Variants in CLRN1 observed in about 807,000 individuals in gnomAD.
The protein encoded by CLRN1 is clarin-1.
A neutral mutation model predicts 18.7 loss-of-function variants in CLRN1; 15 were observed. That is an observed-to-expected ratio of 0.80 (90% CI 0.54 to 1.23). CLRN1 has a LOEUF of 1.23. Among genes scored for constraint, CLRN1 ranks in the 50% most tolerant of loss-of-function variants. The pLI, the probability that CLRN1 is intolerant of heterozygous loss-of-function variation, is 0.00. For synonymous variants in CLRN1, 104 were observed against 102.9 expected (o/e 1.01, Z -0.07); for missense variants, 311 against 277.5 (o/e 1.12, Z -0.86).
chr3:150,950,388 G>T (rs137955947), intron 1 of CLRN1, among the ~76,000 whole-genome samples: 1 of 152,230 alleles, frequency 6.6e-6, no homozygotes, highest in East Asian at 1.9e-4. Context: ...CTACAGAATG[G>T]GAGAAAATAT....
chr3:150,935,582 G>A lies in CLRN1; in HGVS notation c.433+6000C>T, dbSNP rs559905504. Among the ~76,000 whole-genome samples the A allele has an allele frequency of 2.3e-3, 344 of 149,716 alleles. 4 individuals carry two copies. The highest frequency in any genetic ancestry group is 7.8e-3 in the African/African-American group (317 of 40,826). On this transcript the variant is annotated intron_variant, in intron 2 of 2. Coordinates refer to ENST00000327047, the MANE Select transcript of CLRN1 (RefSeq NM_174878.3). ...AGGTTGGTTCCAAGTCTTTGCTATT[G>A]TGAATAGTGCCGCAATAAACATACA...
rs146313119 is a variant in CLRN1, at chr3:150,945,808, G to A, written c.254-4047C>T. ...GGTATGGGGAAATGGGGACCCTTGTGCATTTTTCTTGGGAGTGTAAATTGT... is the reference window on the plus strand; with the variant it reads ...GGTATGGGGAAATGGGGACCCTTGTACATTTTTCTTGGGAGTGTAAATTGT... On this transcript the variant is annotated intron_variant, in intron 1 of 2. Coordinates refer to ENST00000327047, the MANE Select transcript of CLRN1 (RefSeq NM_174878.3). The A allele has an allele frequency of 3.6e-3, 1,569 of 431,830 alleles. 8 individuals carry two copies. The highest frequency in any genetic ancestry group is 5.2e-3 in the Non-Finnish European group (1,382 of 264,812). The allele number at this position is 431,830 out of a possible 1,614,324, so 26.7% of individuals were successfully genotyped here.
intron 1 of CLRN1, among the ~76,000 whole-genome samples, chr3:150,972,196 C>G (rs1715570772): frequency 6.6e-6 from 1 of 152,086 alleles, no homozygotes. Flanking sequence ...AATATTAATA[C>G]TTAAGCATCT....
intron 1 of CLRN1, among the ~76,000 whole-genome samples, chr3:150,954,544 T>C (rs1310355995): frequency 6.6e-6 from 1 of 152,252 alleles, no homozygotes; most frequent in Non-Finnish European, 1.5e-5. Flanking sequence ...AATTCACAAA[T>C]ATTTTCTCTG....
At chr3:150,943,511 A>G (rs1713977530) in intron 1 of CLRN1, among the ~76,000 whole-genome samples, 1 of 152,132 alleles carries the variant, frequency 6.6e-6, no homozygotes, top group African/African-American at 2.4e-5. Flanking sequence ...TGCCCTTCCC[A>G]TTCCCTTTTC....
chr3:150,955,036 C>A (rs909908144), intron 1 of CLRN1, among the ~76,000 whole-genome samples: 5 of 152,134 alleles, frequency 3.3e-5, no homozygotes, highest in Admixed American at 2.0e-4. Flanking sequence ...AAGTTGTGGC[C>A]CATCCATGTG....
In CLRN1 at chr3:150,957,597, C is replaced by T. The variant is rs114730745; in HGVS notation, c.253+14859G>A. Among the ~76,000 whole-genome samples, 812 of 152,312 alleles carry T rather than the reference C, an allele frequency of 5.3e-3. 8 individuals are homozygous for T. Among genetic ancestry groups the T allele is most frequent in the African/African-American group, 0.018 (760 of 41,580 alleles). ...CTGACTCTCCCCTCGATCTCCTTGACAAGTCTCCCCTCTCTACCCATTCAT... is the reference window on the plus strand; with the variant it reads ...CTGACTCTCCCCTCGATCTCCTTGATAAGTCTCCCCTCTCTACCCATTCAT... On this transcript the variant is annotated intron_variant, in intron 1 of 2. Transcript: ENST00000327047.
At chr3:150,947,643 C>T (rs1171944381) in intron 1 of CLRN1, among the ~76,000 whole-genome samples, 2 of 152,184 alleles carry the variant, frequency 1.3e-5, no homozygotes, top group African/African-American at 4.8e-5. Flanking sequence ...AAATCAACCA[C>T]ATAATTGGAC....
chr3:150,970,649 C>A (rs1715486138), intron 1 of CLRN1, among the ~76,000 whole-genome samples: 1 of 152,024 alleles, frequency 6.6e-6, no homozygotes, highest in African/African-American at 2.4e-5. Flanking sequence ...GCTGTCACTG[C>A]AGAATGAACA....
At chr3:150,944,302 C>T (rs988352617) in intron 1 of CLRN1, 5 of 179,564 alleles carry the variant, frequency 2.8e-5, no homozygotes, top group African/African-American at 1.2e-4. Context: ...GTGACCATGG[C>T]GAGGAGTTGG....
At chr3:150,946,565 T>G (rs988425696) in intron 1 of CLRN1, among the ~76,000 whole-genome samples, 1 of 152,060 alleles carries the variant, frequency 6.6e-6, no homozygotes, top group African/African-American at 2.4e-5. Flanking sequence ...TACTTTTTTT[T>G]TAATAATTGG....
chr3:150,931,332 C>G (rs1713126447), intron 2 of CLRN1, among the ~76,000 whole-genome samples: 1 of 152,174 alleles, frequency 6.6e-6, no homozygotes, highest in Non-Finnish European at 1.5e-5. Flanking sequence ...TTGAATCCAG[C>G]AAGAGGGGCT....
At chr3:150,963,809 C>T (rs185447369) in intron 1 of CLRN1, among the ~76,000 whole-genome samples, 104 of 152,146 alleles carry the variant, frequency 6.8e-4, no homozygotes, top group African/African-American at 8.2e-4. Context: ...AAACAAGCAA[C>T]GGGGAAAGGA....
intron 1 of CLRN1, among the ~76,000 whole-genome samples, chr3:150,952,085 C>A (rs1236615275): frequency 6.6e-6 from 1 of 152,180 alleles, no homozygotes; most frequent in African/African-American, 2.4e-5. Context: ...TCAGGACTTG[C>A]AGTTGTCCAC....
At chr3:150,950,956 G>A (rs540312717) in intron 1 of CLRN1, among the ~76,000 whole-genome samples, 4 of 152,278 alleles carry the variant, frequency 2.6e-5, no homozygotes, top group East Asian at 3.9e-4. Flanking sequence ...GGAATACTAT[G>A]CAGCAATAAA....
chr3:150,957,698 G>A (rs1041148984), intron 1 of CLRN1, among the ~76,000 whole-genome samples: 14 of 152,154 alleles, frequency 9.2e-5, no homozygotes, highest in East Asian at 3.9e-4. Context: ...TCGCTCTGTC[G>A]CCCAGGCTGG....
chr3:150,952,646 A>T (rs776674376), intron 1 of CLRN1, among the ~76,000 whole-genome samples: 4 of 152,104 alleles, frequency 2.6e-5, no homozygotes, highest in Non-Finnish European at 4.4e-5. Context: ...ACAAACAAAC[A>T]AACAAACCCT....
chr3:150,933,368 G>T (rs954562405), intron 2 of CLRN1, among the ~76,000 whole-genome samples: 3 of 152,228 alleles, frequency 2.0e-5, no homozygotes, highest in Non-Finnish European at 4.4e-5. Flanking sequence ...AAGCAGAGAG[G>T]GGGGATAGGA....
intron 2 of CLRN1, 139 bp downstream of exon 2, chr3:150,941,443 A>G (rs1713833544): frequency 3.4e-6 from 3 of 874,474 alleles, no homozygotes; most frequent in Admixed American, 2.2e-5. Context: ...TGGTATTTCC[A>G]CACTTTTTGT....
Sources: gnomAD v4.1 joint callset for allele counts (sites outside exome capture counted in the v4.1 genomes callset) on GRCh38, gnomAD v4.1.1 for gene constraint, MANE v1.5 for transcripts, NCBI Gene and HGNC (gene_info 2026-07-23, HGNC 2026-07-21) for gene names.